The following CIITA variants were observed in gnomAD, a reference collection of about 807,000 sequenced individuals.
CIITA encodes class II major histocompatibility complex transactivator, also known as MHC class II transactivator.
A neutral mutation model predicts 115.1 loss-of-function variants in CIITA; 72 were observed. The ratio of observed to expected loss-of-function variants is 0.63; its 90% confidence interval spans 0.52 to 0.76. CIITA has a LOEUF of 0.76. Among genes scored for constraint, CIITA ranks in the 30% least tolerant of loss-of-function variants. CIITA has a pLI of 0.00. For synonymous variants in CIITA, 763 were observed against 635.6 expected (o/e 1.20, Z -3.02); for missense variants, 1,617 against 1,463.8 (o/e 1.10, Z -1.71).
At position 10,895,685 on chromosome 16, in the gene CIITA, C is replaced by T; in HGVS notation, c.216C>T (p.Thr72=). The stretch of plus-strand genomic sequence containing the variant: ...TCCTCCCAGAACCCGACACAGACAC[C>T]ATCAACTGCGACCAGTTCAGCAGGC... ...IELYSEPDTD[T]INCDQFSRLL... The change falls in exon 3 of 20, where the codon ACC becomes ACT. Residue 72 remains threonine (T), a synonymous_variant. Transcript: ENST00000324288. 1.2e-6 allele frequency: 2 copies of T among 1,614,138 alleles called. No individual in the cohort carries two copies. Among genetic ancestry groups the T allele is most frequent in the Non-Finnish European group, 1.7e-6 (2 of 1,180,022 alleles).
At chr16:10,915,055 GT>G (rs776921504) in intron 13 of CIITA, 14 of 455,142 alleles carry the variant, frequency 3.1e-5, no homozygotes, top group East Asian at 7.0e-5. Flanking sequence ...TTCTTTTTTT[GT>G]TTTTTTTCTT....
intron 1 of CIITA, chr16:10,866,696 G>A: frequency 2.6e-6 from 1 of 378,806 alleles, no homozygotes; most frequent in South Asian, 2.1e-5. Context: ...AGTGTCTAGT[G>A]AGCTGGCAGG....
intron 1 of CIITA, among the ~76,000 whole-genome samples, chr16:10,867,484 GA>G (rs1025661064): frequency 2.0e-5 from 3 of 151,852 alleles, no homozygotes; most frequent in Non-Finnish European, 1.5e-5. Context: ...GAGACAGGGA[GA>G]AAAGGGAGGG....
chr16:10,884,988 G>C (rs919256195), intron 1 of CIITA, among the ~76,000 whole-genome samples: 3 of 152,164 alleles, frequency 2.0e-5, no homozygotes, highest in Non-Finnish European at 4.4e-5. Flanking sequence ...ACCTGCAAGG[G>C]CCTCCAAGCC....
intron 1 of CIITA, among the ~76,000 whole-genome samples, chr16:10,892,703 T>C (rs2037717738): frequency 1.3e-5 from 2 of 152,070 alleles, no homozygotes; most frequent in Admixed American, 1.3e-4. Context: ...GAAGCTGAGA[T>C]TGGAGGATCA....
intron 1 of CIITA, among the ~76,000 whole-genome samples, chr16:10,884,563 C>A (rs1415232447): frequency 6.6e-6 from 1 of 152,112 alleles, no homozygotes; most frequent in Non-Finnish European, 1.5e-5. Flanking sequence ...TACAAGGGCA[C>A]TCCACCACAC....
At position 10,898,743 on chromosome 16, in the gene CIITA, G is replaced by A. The variant is rs118033640; in HGVS notation, c.358+11G>A. 2,663 of 1,611,308 alleles carry A rather than the reference G, an allele frequency of 1.7e-3. 48 individuals are homozygous for A. The East Asian group carries it at 0.03, about 18-fold the overall frequency. ...GCAAGGACATTTTCAGTAAGTTTGT[G>A]GTGGGTGGGGAGGTCTTGGCTCAGC... On this transcript the variant is annotated intron_variant, in intron 4 of 19. Coordinates refer to ENST00000324288, the MANE Select transcript of CIITA (RefSeq NM_000246.4).
At chr16:10,890,096 T>G (rs890139147) in intron 1 of CIITA, among the ~76,000 whole-genome samples, 4 of 152,032 alleles carry the variant, frequency 2.6e-5, no homozygotes, top group African/African-American at 9.7e-5. Context: ...CAGGCTTCAG[T>G]CTTAGGGAAG....
intron 3 of CIITA, among the ~76,000 whole-genome samples, chr16:10,898,336 A>G (rs1346872368): frequency 1.3e-5 from 2 of 151,990 alleles, no homozygotes; most frequent in African/African-American, 4.8e-5. Context: ...CACAGTGGTT[A>G]AATAAGTAGC....
rs765700885 is a variant in CIITA, at chr16:10,901,474, T to A, written c.437-40T>A. 3 of 1,612,900 alleles carry A rather than the reference T, an allele frequency of 1.9e-6. No individual in the cohort carries two copies. Among genetic ancestry groups the A allele is most frequent in the Non-Finnish European group, 2.5e-6 (3 of 1,179,052 alleles). ...CCTGAGCCCCTTCTGGCTTGGGACA[T>A]CCTCTCCCTGGGGCAGCTGATCACA... On this transcript the variant is annotated intron_variant, in intron 5 of 19. Coordinates refer to ENST00000324288, the MANE Select transcript of CIITA (RefSeq NM_000246.4). This position sits in a 1 kb window ranked among gnomAD's most constrained non-coding sequence, Gnocchi z 6.8.
At chr16:10,867,012 A>G (rs547147038) in intron 1 of CIITA, among the ~76,000 whole-genome samples, 1 of 152,338 alleles carries the variant, frequency 6.6e-6, no homozygotes, top group Non-Finnish European at 1.5e-5. Flanking sequence ...TTGGGAGGCC[A>G]AGGCAGGTGG....
Position 10,923,118 on chromosome 16 carries a change from C to T in CIITA, c.3318-110C>T, listed in dbSNP as rs565935817. On this transcript the variant is annotated intron_variant, in intron 18 of 19. Transcript: ENST00000324288. The surrounding 1 kb of genome is among the most constrained non-coding windows in gnomAD (Gnocchi z 5.2). ...GTCGGTATCTTGCCAGGGGAAAAGT[C>T]CCCAACGTTCTAGGCTGGGTGGAAG... 98 of 941,614 alleles carry T rather than the reference C, an allele frequency of 1.0e-4. No individual in the cohort carries two copies. Among genetic ancestry groups the T allele is most frequent in the Non-Finnish European group, 1.4e-4 (81 of 580,504 alleles). 58.3% of individuals were successfully genotyped at this position (941,614 alleles called of 1,614,324 possible).
At chr16:10,921,925 A>C (rs1461429055) in intron 16 of CIITA, among the ~76,000 whole-genome samples, 1 of 152,248 alleles carries the variant, frequency 6.6e-6, no homozygotes. Context: ...CTGGGGACAG[A>C]AACTTTGAGC....
At chr16:10,890,562 C>T (rs1300254032) in intron 1 of CIITA, among the ~76,000 whole-genome samples, 1 of 152,184 alleles carries the variant, frequency 6.6e-6, no homozygotes, top group Non-Finnish European at 1.5e-5. Context: ...GCTGGAATTT[C>T]TACAGATGTG....
chr16:10,916,832 C>A (rs2039979015), intron 15 of CIITA: 2 of 382,334 alleles, frequency 5.2e-6, no homozygotes, highest in South Asian at 3.0e-5. Flanking sequence ...ACTTACCCAA[C>A]CATTTATTAA....
chr16:10,890,586 G>A (rs987301384), intron 1 of CIITA, among the ~76,000 whole-genome samples: 8 of 152,126 alleles, frequency 5.3e-5, no homozygotes, highest in Non-Finnish European at 8.8e-5. Context: ...CACCATGCCC[G>A]GCCTATGGGG....
At chr16:10,918,304 ATCC>A in intron 15 of CIITA, 133 bp from the exon 16 acceptor site, 1 of 841,804 alleles carries the variant, frequency 1.2e-6, no homozygotes, top group Non-Finnish European at 2.1e-6. Context: ...ACCTAACAGT[ATCC>A]TCCTATTTAC....
chr16:10,898,638 T>C (rs1860703753), intron 3 of CIITA, 32 bp from the exon 4 acceptor site: 1 of 1,590,140 alleles, frequency 6.3e-7, no homozygotes, highest in African/African-American at 1.4e-5. Flanking sequence ...TTAGACCTTG[T>C]TGATTGACTG....
At chr16:10,873,929 C>T (rs939715648), upstream of CIITA, among the ~76,000 whole-genome samples, 4 of 152,076 alleles carry the variant, frequency 2.6e-5, no homozygotes, top group African/African-American at 9.7e-5. Flanking sequence ...ATCCTCATCA[C>T]CTCTGCAAGA....
Sources: allele counts gnomAD v4.1 joint callset (sites outside exome capture counted in the v4.1 genomes callset), GRCh38; gene constraint gnomAD v4.1.1; non-coding constraint Gnocchi (gnomAD v3.1); transcripts MANE v1.5; gene names NCBI Gene and HGNC (gene_info 2026-07-23, HGNC 2026-07-21).